Variants in PSD observed in about 807,000 individuals in gnomAD.
The protein encoded by PSD is PH and SEC7 domain-containing protein 1.
A neutral mutation model predicts 91.6 loss-of-function variants in PSD; 32 were observed. The observed-to-expected ratio is 0.35, with a 90% CI of 0.26 to 0.47. The LOEUF is 0.47. Ranked by LOEUF, PSD falls within the 20% of genes least tolerant of loss-of-function variation. PSD has a pLI of 1.00. For missense variants in PSD, 1,099 were observed against 1,373.9 expected (o/e 0.80, Z 3.16); for synonymous variants, 532 against 569.3 (o/e 0.93, Z 0.93).
At position 102,412,548 on chromosome 10, in the gene PSD, G is replaced by A. The variant is rs748033717; in HGVS notation, c.1581C>T (p.Ser527=). The A allele has an allele frequency of 3.2e-5, 52 of 1,613,228 alleles. No homozygotes were observed. Among genetic ancestry groups the A allele is most frequent in the Non-Finnish European group, 4.0e-5 (47 of 1,179,666 alleles). ...TGCTGTCCAGCTCTGAGTCTGAGTC[G>A]GACACCAGCTGGCTCAGGGGTGGTT... The part of the protein sequence containing the change: ...GSEPPLSQLV[S]DSDSELDSTE... The change falls in exon 6 of 17, where the codon TCC becomes TCT. Residue 527 remains serine (S), a synonymous_variant. Coordinates refer to ENST00000020673, the MANE Select transcript of PSD (RefSeq NM_002779.5).
chr10:102,410,618 T>TC lies in PSD; in HGVS notation c.2091+239dup, dbSNP rs1342460338. On this transcript the variant is annotated intron_variant, in intron 10 of 16. Coordinates refer to ENST00000020673, the MANE Select transcript of PSD (RefSeq NM_002779.5). This position sits in a 1 kb window ranked among gnomAD's most constrained non-coding sequence, Gnocchi z 6.0. ...CCTGCTCGCGTTTTCCAGAGCCGGG[T>TC]CCCCTCCCCCGCCGTGCGCAGTCGC... is the stretch of plus-strand genomic sequence containing the variant. 1.3e-5 allele frequency among the ~76,000 whole-genome samples: 2 copies of TC among 152,000 alleles called. No individual in the cohort carries two copies. The highest frequency in any genetic ancestry group is 2.4e-5 in the African/African-American group (1 of 41,370).
chr10:102,413,850 G>A lies in PSD; in HGVS notation c.1472C>T (p.Ala491Val). Residue 491 changes from alanine to valine, a missense_variant, in exon 5 of 17, where the codon GCC becomes GTC. Ala to Val is a moderately conservative substitution (Grantham distance 64, BLOSUM62 0). Around this residue, in one of 3 missense-constraint regions of PSD, gnomAD observed 631 missense variants for 728.8 expected, o/e 0.87. Coordinates refer to ENST00000020673, the MANE Select transcript of PSD (RefSeq NM_002779.5). ...GGGCTCCCTCCCTGGGGCCAGCTTG[G>A]CTCTGGCCTCTGCCTCCTCCTCCTC... Reference protein sequence around the residue: ...RGEEEEAEARAKLAPGREPPS... With the variant: ...RGEEEEAEARVKLAPGREPPS... 3.1e-6 allele frequency: 5 copies of A among 1,613,948 alleles called. No homozygotes were observed. Among genetic ancestry groups the A allele is most frequent in the Non-Finnish European group, 4.2e-6 (5 of 1,179,938 alleles).
chr10:102,407,150 G>C, intron 11 of PSD, 73 bp downstream of exon 11: 1 of 1,247,080 alleles, frequency 8.0e-7, no homozygotes, highest in Non-Finnish European at 1.1e-6. Flanking sequence ...GCCTACCCCA[G>C]CTCTCTCAGC....
At position 102,418,682 on chromosome 10, in the gene PSD, A is replaced by G. The variant is rs749916903; in HGVS notation, c.-84+19T>C. 27 of 455,284 alleles carry G rather than the reference A, an allele frequency of 5.9e-5. No homozygotes were observed. The highest frequency in any genetic ancestry group is 1.1e-4 in the Non-Finnish European group (25 of 226,384). 28.2% of individuals were successfully genotyped at this position (455,284 alleles called of 1,614,324 possible). A position where few individuals can be genotyped will look rare whatever the true frequency, so the allele number is the denominator to read the frequency against. The stretch of plus-strand genomic sequence containing the variant: ...GCATACCCGGTGCAGCCCCAACTCA[A>G]TGCCACCTCAGTACTCACCGCTGCT... On this transcript the variant is annotated intron_variant, in intron 1 of 16. Coordinates refer to ENST00000020673, the MANE Select transcript of PSD (RefSeq NM_002779.5).
At chr10:102,417,494 A>G (rs899200155) in intron 1 of PSD, among the ~76,000 whole-genome samples, 2 of 152,064 alleles carry the variant, frequency 1.3e-5, no homozygotes, top group Non-Finnish European at 2.9e-5. Flanking sequence ...AGCTGTCACC[A>G]TCATACAGCC....
In PSD at chr10:102,416,014, T is replaced by C. The variant is rs1452598776; in HGVS notation, c.757+3A>G. On this transcript the variant is annotated splice_donor_region_variant and intron_variant, in intron 3 of 16. Coordinates refer to ENST00000020673, the MANE Select transcript of PSD (RefSeq NM_002779.5). This position sits in a 1 kb window ranked among gnomAD's most constrained non-coding sequence, Gnocchi z 6.0. The stretch of plus-strand genomic sequence containing the variant: ...TTCTCCCTGCCTCAGTCCCAGGCCT[T>C]ACCTGAGCTGGGGGGGTCCAAGGAG... The C allele has an allele frequency of 6.2e-7, 1 of 1,611,002 alleles. No homozygotes were observed. Among genetic ancestry groups the C allele is most frequent in the East Asian group, 2.2e-5 (1 of 44,794 alleles).
At chr10:102,417,265 C>T (rs2061492020) in intron 1 of PSD, 144 bp from the exon 2 acceptor site, 10 of 531,614 alleles carry the variant, frequency 1.9e-5, no homozygotes, top group East Asian at 6.7e-5. Context: ...ATTGATCCCA[C>T]GCCTGGGGAC....
intron 11 of PSD, among the ~76,000 whole-genome samples, chr10:102,406,709 T>G (rs3781291): frequency 0.26 from 39,731 of 151,864 alleles, 5,608 homozygotes; most frequent in South Asian, 0.42. Context: ...GTTTCACCGT[T>G]TTAGCCAGGA....
chr10:102,410,009 C>A lies in PSD; in HGVS notation c.2091+849G>T, dbSNP rs1405820446. ...CAGATGCAACTCAACTCAAGCAACA[C>A]CCCAGCTCACCATGGACGTTCCCTC... On this transcript the variant is annotated intron_variant, in intron 10 of 16. Transcript: ENST00000020673. This position sits in a 1 kb window ranked among gnomAD's most constrained non-coding sequence, Gnocchi z 6.0. 2.0e-5 allele frequency among the ~76,000 whole-genome samples: 3 copies of A among 152,186 alleles called. No individual in the cohort carries two copies. The highest frequency in any genetic ancestry group is 2.9e-5 in the Non-Finnish European group (2 of 68,028).
intron 10 of PSD, chr10:102,408,983 CCG>C: frequency 1.0e-6 from 1 of 987,412 alleles, no homozygotes; most frequent in Non-Finnish European, 1.2e-6. Context: ...CTGCGGCCAG[CCG>C]TAGCACAGGG....
chr10:102,409,032 A>T lies in PSD; in HGVS notation c.2092-1766T>A. 1 of 986,418 alleles carries T rather than the reference A, an allele frequency of 1.0e-6. No homozygotes were observed. The allele number at this position is 986,418 out of a possible 1,614,324, so 61.1% of individuals were successfully genotyped here. On this transcript the variant is annotated intron_variant, in intron 10 of 16. Transcript: ENST00000020673. The surrounding 1 kb of genome is among the most constrained non-coding windows in gnomAD (Gnocchi z 5.7). Reference sequence around the variant, plus strand: ...CGGTGGGTGCGCCCGTAGCGCACGGAGCACAGCGAGCGCGAGCGCAGCCGC... The same window carrying T: ...CGGTGGGTGCGCCCGTAGCGCACGGTGCACAGCGAGCGCGAGCGCAGCCGC...
At chr10:102,412,778 C>A (rs2061437198) in intron 5 of PSD, among the ~76,000 whole-genome samples, 1 of 152,194 alleles carries the variant, frequency 6.6e-6, no homozygotes, top group African/African-American at 2.4e-5. Context: ...GGAAGTCCTG[C>A]CTCAAATCTA....
intron 1 of PSD, 128 bp downstream of exon 1, chr10:102,418,573 C>T (rs542472079): frequency 7.8e-6 from 3 of 382,236 alleles, no homozygotes; most frequent in Admixed American, 2.8e-5. Flanking sequence ...GTAAAGGGGC[C>T]TCTGGTGGCA....
chr10:102,408,434 A>T (rs2135453275), intron 10 of PSD, among the ~76,000 whole-genome samples: 1 of 151,362 alleles, frequency 6.6e-6, no homozygotes, highest in East Asian at 2.0e-4. Flanking sequence ...CGCCCCCAGC[A>T]CAACCAAGGC....
chr10:102,416,356 G>T lies in PSD; in HGVS notation c.654+29C>A. ...GCTGAGCCTTGCCCCTTCACTGGGG[G>T]CCCAGGGAGCCCAGGGGAAGTTGCA... On this transcript the variant is annotated intron_variant, in intron 2 of 16. Coordinates refer to ENST00000020673, the MANE Select transcript of PSD (RefSeq NM_002779.5). The surrounding 1 kb of genome is among the most constrained non-coding windows in gnomAD (Gnocchi z 6.0). 1.3e-6 allele frequency: 2 copies of T among 1,574,130 alleles called. No homozygotes were observed. Among genetic ancestry groups the T allele is most frequent in the South Asian group, 1.2e-5 (1 of 85,926 alleles).
chr10:102,417,212 C>G, intron 1 of PSD, 91 bp from the exon 2 acceptor site: 2 of 582,896 alleles, frequency 3.4e-6, no homozygotes, highest in Non-Finnish European at 6.1e-6. Context: ...TGGCTAGGGC[C>G]TCTGAGTATC....
intron 1 of PSD, among the ~76,000 whole-genome samples, chr10:102,418,087 A>G (rs867705725): frequency 8.4e-5 from 11 of 130,942 alleles, no homozygotes; most frequent in South Asian, 2.5e-4. Flanking sequence ...ACACACACAC[A>G]CACGCACACA....
rs146615059 is a variant in PSD at position 102,403,972 on chromosome 10, C to T, written c.2714G>A (p.Arg905Gln). The T allele has an allele frequency of 2.6e-3, 4,086 of 1,559,544 alleles. 11 individuals are homozygous for T. Among genetic ancestry groups the T allele is most frequent in the Non-Finnish European group, 3.3e-3 (3,751 of 1,153,994 alleles). Residue 905 changes from arginine (R) to glutamine (Q), a missense_variant, in exon 16 of 17, where the codon CGG becomes CAG. This residue lies in a region of PSD where 358 missense variants were observed against 426.5 expected (regional missense o/e 0.84). Coordinates refer to ENST00000020673, the MANE Select transcript of PSD (RefSeq NM_002779.5). This position sits in a 1 kb window ranked among gnomAD's most constrained non-coding sequence, Gnocchi z 6.7. ...GGCCTTCAGCTTGGCCTCGTGGGTC[C>T]GCACCTGCTCCTCCTAGCGGCCAGG... Reference protein sequence around the residue: ...ATRLSQEEQVRTHEAKLKAMA... With the variant: ...ATRLSQEEQVQTHEAKLKAMA...
At chr10:102,413,698 T>A in intron 5 of PSD, 71 bp downstream of exon 5, 1 of 1,455,144 alleles carries the variant, frequency 6.9e-7, no homozygotes, top group Non-Finnish European at 9.4e-7. Context: ...ACACTCAGGA[T>A]CTGTCCCTTA....
Sources: allele counts gnomAD v4.1 joint callset (sites outside exome capture counted in the v4.1 genomes callset), GRCh38; gene constraint gnomAD v4.1.1; regional missense constraint gnomAD v4.1.1; non-coding constraint Gnocchi (gnomAD v3.1); transcripts MANE v1.5; gene names NCBI Gene and HGNC (gene_info 2026-07-23, HGNC 2026-07-21).